DDR2: variants seen among roughly 807,000 people sequenced by gnomAD.
The protein encoded by DDR2 is discoidin domain receptor tyrosine kinase 2.
Under a neutral mutation model 94.9 loss-of-function variants are expected in DDR2, and 27 were observed. The ratio of observed to expected loss-of-function variants is 0.28; its 90% confidence interval spans 0.21 to 0.39. DDR2 has a LOEUF of 0.39. Ranked by LOEUF, DDR2 falls within the 10% of genes least tolerant of loss-of-function variation. DDR2 has a pLI of 1.00. For synonymous variants in DDR2, 382 were observed against 377.2 expected (o/e 1.01, Z -0.15); for missense variants, 783 against 1,076.0 (o/e 0.73, Z 3.81).
intron 13 of DDR2, among the ~76,000 whole-genome samples, chr1:162,772,766 C>T (rs1248239091): frequency 6.6e-6 from 1 of 152,140 alleles, no homozygotes; most frequent in African/African-American, 2.4e-5. Flanking sequence ...GTGATGCATG[C>T]ATTATTAAAC....
At chr1:162,650,069 C>A (rs915760393) in intron 1 of DDR2, among the ~76,000 whole-genome samples, 6 of 152,186 alleles carry the variant, frequency 3.9e-5, no homozygotes, top group African/African-American at 1.4e-4. Flanking sequence ...TCTGTCTTCG[C>A]TTTTCTTCTC....
intron 3 of DDR2, among the ~76,000 whole-genome samples, chr1:162,723,636 C>A (rs1661523038): frequency 6.6e-6 from 1 of 152,188 alleles, no homozygotes; most frequent in Non-Finnish European, 1.5e-5. Flanking sequence ...GTATAAAAAA[C>A]ACAGGGGTGC....
At chr1:162,679,557 G>A (rs1659298796) in intron 2 of DDR2, among the ~76,000 whole-genome samples, 1 of 152,146 alleles carries the variant, frequency 6.6e-6, no homozygotes, top group African/African-American at 2.4e-5. Context: ...TACCATTAAT[G>A]GGCATTTAGT....
chr1:162,653,731 G>T (rs1266717475), intron 1 of DDR2, among the ~76,000 whole-genome samples: 1 of 152,138 alleles, frequency 6.6e-6, no homozygotes, highest in African/African-American at 2.4e-5. Flanking sequence ...GATTGTTAAT[G>T]TAAGTTTTTC....
chr1:162,665,638 T>C (rs1658515093), intron 2 of DDR2, among the ~76,000 whole-genome samples: 1 of 151,786 alleles, frequency 6.6e-6, no homozygotes, highest in South Asian at 2.1e-4. Flanking sequence ...ATATAACAGA[T>C]AATATCATTT....
At chr1:162,637,916 T>C (rs2101883574) in intron 1 of DDR2, among the ~76,000 whole-genome samples, 1 of 152,344 alleles carries the variant, frequency 6.6e-6, no homozygotes, top group East Asian at 1.9e-4. Flanking sequence ...TAAAATATGA[T>C]TAAATCTCTG....
At chr1:162,713,376 T>C (rs1436768604) in intron 2 of DDR2, among the ~76,000 whole-genome samples, 1 of 152,210 alleles carries the variant, frequency 6.6e-6, no homozygotes, top group South Asian at 2.1e-4. Flanking sequence ...TAAATGACAT[T>C]AACAAGGAAC....
chr1:162,782,236 G>A lies in DDR2; in HGVS notation c.*1990G>A, dbSNP rs893603220. ...CATTTTGTTTTCTTATTTATAGGAT[G>A]AGGAAATTAGATTAAATGGTTTTGA... On this transcript the variant is annotated 3_prime_UTR_variant, in exon 18 of 18. Transcript: ENST00000367921. 1 of 152,192 alleles carries A rather than the reference G, an allele frequency of 6.6e-6. No individual in the cohort carries two copies. Among genetic ancestry groups the A allele is most frequent in the Non-Finnish European group, 1.5e-5 (1 of 68,036 alleles). 9.4% of individuals were successfully genotyped at this position (152,192 alleles called of 1,614,324 possible).
chr1:162,714,245 A>T (rs993481188), intron 2 of DDR2, among the ~76,000 whole-genome samples: 3 of 152,062 alleles, frequency 2.0e-5, no homozygotes, highest in Admixed American at 2.0e-4. Context: ...TATGTTTATG[A>T]TGTCTTTTGG....
At chr1:162,700,579 G>C (rs1224877626) in intron 2 of DDR2, among the ~76,000 whole-genome samples, 1 of 152,110 alleles carries the variant, frequency 6.6e-6, no homozygotes, top group East Asian at 1.9e-4. Context: ...TGATGTACTT[G>C]CAGACCTCTA....
chr1:162,669,045 T>C (rs1658711965), intron 2 of DDR2, among the ~76,000 whole-genome samples: 1 of 152,212 alleles, frequency 6.6e-6, no homozygotes, highest in South Asian at 2.1e-4. Flanking sequence ...AGTACTTTAG[T>C]TCCTTTGGGG....
At chr1:162,756,145 G>C (rs1185939740) in intron 7 of DDR2, among the ~76,000 whole-genome samples, 1 of 152,104 alleles carries the variant, frequency 6.6e-6, no homozygotes, top group Non-Finnish European at 1.5e-5. Context: ...ATAATACTCT[G>C]GGCAAGTCAA....
At chr1:162,709,154 A>G (rs1410842382) in intron 2 of DDR2, among the ~76,000 whole-genome samples, 2 of 152,124 alleles carry the variant, frequency 1.3e-5, no homozygotes, top group Non-Finnish European at 2.9e-5. Flanking sequence ...GGGAGACAGG[A>G]CTCAAACCCA....
chr1:162,710,594 A>G, intron 2 of DDR2, among the ~76,000 whole-genome samples: 1 of 152,208 alleles, frequency 6.6e-6, no homozygotes, highest in Non-Finnish European at 1.5e-5. Context: ...ACTGCTCTTC[A>G]TATTTGTTTA....
intron 3 of DDR2, among the ~76,000 whole-genome samples, chr1:162,747,477 C>A (rs182565591): frequency 1.3e-5 from 2 of 151,884 alleles, no homozygotes; most frequent in Non-Finnish European, 2.9e-5. Context: ...ATGAACAAAG[C>A]CTCCAAGAAA....
chr1:162,680,030 C>T (rs1011912846), intron 2 of DDR2, among the ~76,000 whole-genome samples: 6 of 152,030 alleles, frequency 3.9e-5, no homozygotes, highest in Admixed American at 3.9e-4. Flanking sequence ...AGATTCTGGA[C>T]ATTAAGTCTT....
chr1:162,721,895 ACT>A (rs1485071584), intron 3 of DDR2, among the ~76,000 whole-genome samples: 7 of 152,160 alleles, frequency 4.6e-5, no homozygotes, highest in Non-Finnish European at 8.8e-5. Context: ...TAAGCATTAA[ACT>A]CAATAAAATA....
Position 162,781,377 on chromosome 1 carries a change from A to T in DDR2, c.*1131A>T, listed in dbSNP as rs1036206979. Reference sequence around the variant, plus strand: ...GAACTGATGTGGAGAAGTTACAGGGAGACTGATTTCCATTCCTTATTGGGG... The same window carrying T: ...GAACTGATGTGGAGAAGTTACAGGGTGACTGATTTCCATTCCTTATTGGGG... On this transcript the variant is annotated 3_prime_UTR_variant, in exon 18 of 18. Transcript: ENST00000367921. 1.3e-5 allele frequency: 2 copies of T among 152,224 alleles called. No individual in the cohort carries two copies. The highest frequency in any genetic ancestry group is 4.8e-5 in the African/African-American group (2 of 41,444). The allele number at this position is 152,224 out of a possible 1,614,324, so 9.4% of individuals were successfully genotyped here.
chr1:162,696,796 T>A (rs1660213583), intron 2 of DDR2, among the ~76,000 whole-genome samples: 1 of 151,998 alleles, frequency 6.6e-6, no homozygotes, highest in African/African-American at 2.4e-5. Flanking sequence ...CCAGCCTTCT[T>A]CCCTGCCCCC....
Sources: allele counts gnomAD v4.1 joint callset (sites outside exome capture counted in the v4.1 genomes callset), GRCh38; gene constraint gnomAD v4.1.1; transcripts MANE v1.5; gene names NCBI Gene and HGNC (gene_info 2026-07-23, HGNC 2026-07-21).